Variants in TMEM181 observed in about 807,000 individuals in gnomAD.
The protein encoded by TMEM181 is G protein-coupled receptor 178.
In TMEM181, 39 loss-of-function variants were observed where a neutral mutation model predicts 71.9. The observed-to-expected ratio is 0.54, with a 90% confidence interval of 0.42 to 0.71. The LOEUF is 0.71. Among genes scored for constraint, TMEM181 ranks in the 30% least tolerant of loss-of-function variants. The pLI is 0.00. For synonymous variants in TMEM181, 245 were observed against 228.8 expected (o/e 1.07, Z -0.64); for missense variants, 595 against 583.0 (o/e 1.02, Z -0.21).
chr6:158,547,769 C>T (rs994413766), intron 1 of TMEM181, among the ~76,000 whole-genome samples: 1 of 151,962 alleles, frequency 6.6e-6, no homozygotes, highest in Non-Finnish European at 1.5e-5. Flanking sequence ...TGCCCCCGGG[C>T]CACTGGTCCC....
chr6:158,560,646 G>T (rs891251701), intron 1 of TMEM181, among the ~76,000 whole-genome samples: 1 of 152,180 alleles, frequency 6.6e-6, no homozygotes, highest in Non-Finnish European at 1.5e-5. Context: ...TCGTCCCCTC[G>T]GTATCGAGAG....
In TMEM181 at chr6:158,632,698, A is replaced by G. The variant is rs1323770388; in HGVS notation, c.*810A>G. ...TATGGGCAGGAGAGGAACCCTTACCATTCCAGTAAATAGCAGTTTCTGCAA... is the reference window on the plus strand; with the variant it reads ...TATGGGCAGGAGAGGAACCCTTACCGTTCCAGTAAATAGCAGTTTCTGCAA... On this transcript the variant is annotated 3_prime_UTR_variant, in exon 17 of 17. Coordinates refer to ENST00000684151, the MANE Select transcript of TMEM181 (RefSeq NM_001376852.1). 6.6e-6 allele frequency: 1 copy of G among 152,408 alleles called. No individual in the cohort carries two copies. The highest frequency in any genetic ancestry group is 1.9e-4 in the East Asian group (1 of 5,188). The allele number at this position is 152,408 out of a possible 1,614,324, so 9.4% of individuals were successfully genotyped here. A position where few individuals can be genotyped will look rare whatever the true frequency, so the allele number is the denominator to read the frequency against.
intron 1 of TMEM181, among the ~76,000 whole-genome samples, chr6:158,553,776 G>A (rs967909091): frequency 3.9e-5 from 6 of 152,112 alleles, no homozygotes; most frequent in African/African-American, 9.7e-5. Flanking sequence ...GAACTAAAAC[G>A]CATTCGGGTT....
intron 10 of TMEM181, among the ~76,000 whole-genome samples, chr6:158,616,224 G>T (rs1302999758): frequency 6.6e-6 from 1 of 151,978 alleles, no homozygotes; most frequent in Non-Finnish European, 1.5e-5. Flanking sequence ...GGATTCCTAG[G>T]TATTTTATTC....
chr6:158,560,321 C>T lies in TMEM181; in HGVS notation c.8+89C>T, dbSNP rs1275494580. 5 of 985,066 alleles carry T rather than the reference C, an allele frequency of 5.1e-6. No homozygotes were observed. In the East Asian group the frequency reaches 4.5e-4, roughly 89 times the overall value. The allele number at this position is 985,066 out of a possible 1,614,324, so 61.0% of individuals were successfully genotyped here. On this transcript the variant is annotated intron_variant, in intron 1 of 16. Coordinates refer to ENST00000684151, the MANE Select transcript of TMEM181 (RefSeq NM_001376852.1). The stretch of plus-strand genomic sequence containing the variant: ...ATCCCTGGCTCCCGGCGCCGTGCCG[C>T]AGGGTCCCTGGCGCCCACGTGGAAC...
intron 1 of TMEM181, among the ~76,000 whole-genome samples, chr6:158,539,645 C>G (rs1781265321): frequency 1.3e-5 from 2 of 152,246 alleles, no homozygotes; most frequent in South Asian, 4.1e-4. Context: ...AGCAGCATGG[C>G]TGTTTGCATA....
intron 6 of TMEM181, among the ~76,000 whole-genome samples, chr6:158,590,117 C>T (rs553667184): frequency 3.9e-5 from 6 of 152,206 alleles, no homozygotes; most frequent in East Asian, 3.9e-4. Context: ...CCCGAACTGC[C>T]GGTGAGTGGG....
At chr6:158,610,620 C>T (rs1209537118) in intron 10 of TMEM181, 4 of 352,370 alleles carry the variant, frequency 1.1e-5, no homozygotes, top group African/African-American at 8.6e-5. Context: ...TCTTTTCCTC[C>T]CGAGCTTCTG....
chr6:158,542,696 C>T (rs573766467), intron 1 of TMEM181, among the ~76,000 whole-genome samples: 11 of 152,240 alleles, frequency 7.2e-5, no homozygotes, highest in African/African-American at 2.6e-4. Context: ...CCTACACCTC[C>T]TGGGTTCAAG....
intron 6 of TMEM181, among the ~76,000 whole-genome samples, chr6:158,591,833 T>C (rs1784127356): frequency 1.3e-5 from 2 of 152,178 alleles, no homozygotes; most frequent in Admixed American, 1.3e-4. Flanking sequence ...TTTGTCTTTA[T>C]GGTTTTTGTC....
In TMEM181 at chr6:158,548,022, G is replaced by A. The variant is rs752168332; in HGVS notation, c.131+11157G>A. Among the ~76,000 whole-genome samples the A allele has an allele frequency of 3.6e-4, 54 of 152,062 alleles. 2 individuals are homozygous for A. The highest frequency in any genetic ancestry group is 1.2e-3 in the Admixed American group (18 of 15,270). On this transcript the variant is annotated intron_variant, in intron 1 of 16. Transcript: ENST00000367090. ...TGCTTTGGTGCTGACTGACATGGGG[G>A]CTCCTTCGCCCCACGCTGACTGAAC...
At chr6:158,570,536 C>T (rs9364976) in intron 1 of TMEM181, among the ~76,000 whole-genome samples, 37,240 of 151,890 alleles carry the variant, frequency 0.25, 5,756 homozygotes, top group East Asian at 0.65. Flanking sequence ...CCACTGCGCC[C>T]GGCCCCGTAC....
At chr6:158,591,831 T>C (rs1160849119) in intron 6 of TMEM181, among the ~76,000 whole-genome samples, 1 of 152,160 alleles carries the variant, frequency 6.6e-6, no homozygotes, top group Non-Finnish European at 1.5e-5. Context: ...GTTTTGTCTT[T>C]ATGGTTTTTG....
rs1030948228 is a variant in TMEM181, at chr6:158,633,143, A to G, written c.*1255A>G. On this transcript the variant is annotated 3_prime_UTR_variant, in exon 17 of 17. Transcript: ENST00000684151. ...TATTGGCCAAAAGTTTTTAAAACTCATATTTGGAAGCAAAATGAAAAGCAA... is the reference window on the plus strand; with the variant it reads ...TATTGGCCAAAAGTTTTTAAAACTCGTATTTGGAAGCAAAATGAAAAGCAA... 2 of 152,202 alleles carry G rather than the reference A, an allele frequency of 1.3e-5. No homozygotes were observed. The highest frequency in any genetic ancestry group is 4.8e-5 in the African/African-American group (2 of 41,470). The allele number at this position is 152,202 out of a possible 1,614,324, so 9.4% of individuals were successfully genotyped here.
intron 1 of TMEM181, among the ~76,000 whole-genome samples, chr6:158,542,806 T>C (rs1337207653): frequency 6.6e-6 from 1 of 151,394 alleles, no homozygotes; most frequent in Non-Finnish European, 1.5e-5. Flanking sequence ...GGTTTCACCA[T>C]GTTGCCCAGG....
chr6:158,625,340 A>T, intron 12 of TMEM181, 134 bp downstream of exon 12: 1 of 768,568 alleles, frequency 1.3e-6, no homozygotes, highest in Non-Finnish European at 2.2e-6. Context: ...CAGGCTGGGG[A>T]CCAGGGCACG....
intron 3 of TMEM181, among the ~76,000 whole-genome samples, chr6:158,582,472 C>T (rs2128300114): frequency 6.6e-6 from 1 of 152,192 alleles, no homozygotes; most frequent in South Asian, 2.1e-4. Flanking sequence ...TGAGACTAGC[C>T]TGGGCAGCAT....
intron 4 of TMEM181, 69 bp downstream of exon 4, chr6:158,584,113 T>G (rs1301782482): frequency 2.0e-5 from 26 of 1,287,786 alleles, no homozygotes; most frequent in Admixed American, 4.1e-5. Flanking sequence ...GATGTTGACT[T>G]CAGAATATTC....
intron 1 of TMEM181, among the ~76,000 whole-genome samples, chr6:158,570,006 A>C (rs111306864): frequency 0.021 from 3,252 of 152,302 alleles, 136 homozygotes; most frequent in African/African-American, 0.073. Context: ...ATCAAGATTT[A>C]AAATATAGTT....
Sources: allele counts gnomAD v4.1 joint callset (sites outside exome capture counted in the v4.1 genomes callset), GRCh38; gene constraint gnomAD v4.1.1; transcripts MANE v1.5; gene names NCBI Gene and HGNC (gene_info 2026-07-23, HGNC 2026-07-21).